TRERF1: variants seen among roughly 807,000 people sequenced by gnomAD.
TRERF1 encodes transcriptional regulating factor 1.
TRERF1 carries 27 observed loss-of-function variants against 122.9 expected under a neutral mutation model. The ratio of observed to expected loss-of-function variants is 0.22; its 90% CI spans 0.16 to 0.30. The LOEUF is 0.30. Ranked by LOEUF, TRERF1 falls within the 10% of genes least tolerant of loss-of-function variation. TRERF1 has a pLI of 1.00. For missense variants in TRERF1, 1,248 were observed against 1,560.3 expected, an observed-to-expected ratio of 0.80 and a Z score of 3.37; for synonymous variants, 636 against 641.7, an observed-to-expected ratio of 0.99 and a Z score of 0.13.
chr6:42,303,475 C>T (rs1007517345), intron 3 of TRERF1, among the ~76,000 whole-genome samples: 5 of 152,192 alleles, frequency 3.3e-5, no homozygotes, highest in Non-Finnish European at 7.3e-5. Context: ...GCTGCTGGTA[C>T]ACCGAGTAGC....
intron 4 of TRERF1, among the ~76,000 whole-genome samples, chr6:42,287,643 A>G (rs1288319856): frequency 1.3e-5 from 2 of 152,112 alleles, no homozygotes; most frequent in Non-Finnish European, 2.9e-5. Context: ...CCCTTTACCC[A>G]GGATCCTGAA....
intron 2 of TRERF1, among the ~76,000 whole-genome samples, chr6:42,420,276 A>C (rs1562177377): frequency 6.6e-6 from 1 of 152,182 alleles, no homozygotes; most frequent in Non-Finnish European, 1.5e-5. Flanking sequence ...CTTTGTAGCT[A>C]AAACAGAAAA....
At chr6:42,233,812 C>A (rs571539924) in intron 16 of TRERF1, among the ~76,000 whole-genome samples, 1 of 152,280 alleles carries the variant, frequency 6.6e-6, no homozygotes, top group East Asian at 1.9e-4. Context: ...CCTAAGGAAT[C>A]CAGTTTGAAA....
At chr6:42,390,788 A>C (rs908917794) in intron 2 of TRERF1, among the ~76,000 whole-genome samples, 18 of 152,210 alleles carry the variant, frequency 1.2e-4, no homozygotes, top group Admixed American at 1.2e-3. Flanking sequence ...CTGTGTGGGC[A>C]ATGGTCACTT....
intron 2 of TRERF1, among the ~76,000 whole-genome samples, chr6:42,441,371 G>C (rs1192760595): frequency 1.3e-5 from 2 of 152,180 alleles, no homozygotes; most frequent in Admixed American, 1.3e-4. Flanking sequence ...CTAATATTCA[G>C]TCTCTTTCCT....
At chr6:42,374,082 G>A (rs1774317685) in intron 2 of TRERF1, among the ~76,000 whole-genome samples, 2 of 151,072 alleles carry the variant, frequency 1.3e-5, no homozygotes, top group Non-Finnish European at 2.9e-5. Flanking sequence ...GCAGTGAGCC[G>A]AGATGGCACC....
At chr6:42,359,798 T>G (rs1277079039) in intron 3 of TRERF1, among the ~76,000 whole-genome samples, 1 of 152,186 alleles carries the variant, frequency 6.6e-6, no homozygotes. Flanking sequence ...TGACAGGCCA[T>G]CAACTATTTA....
At chr6:42,337,599 G>A (rs910413920) in intron 3 of TRERF1, among the ~76,000 whole-genome samples, 10 of 152,172 alleles carry the variant, frequency 6.6e-5, no homozygotes, top group Non-Finnish European at 1.3e-4. Flanking sequence ...TGAGAGCTCA[G>A]TGGAGGGGAA....
chr6:42,340,407 T>C (rs998561660), intron 3 of TRERF1, among the ~76,000 whole-genome samples: 1 of 152,114 alleles, frequency 6.6e-6, no homozygotes, highest in Non-Finnish European at 1.5e-5. Context: ...AATGTGCAAT[T>C]TGTCAAAACA....
intron 4 of TRERF1, among the ~76,000 whole-genome samples, chr6:42,287,147 TG>T (rs1424885253): frequency 1.4e-5 from 1 of 72,334 alleles, no homozygotes; most frequent in African/African-American, 5.6e-5. Flanking sequence ...TGTTGTGGGG[TG>T]GGGGGAGGGG....
chr6:42,359,597 G>A (rs995193852), intron 3 of TRERF1, among the ~76,000 whole-genome samples: 2 of 152,164 alleles, frequency 1.3e-5, no homozygotes, highest in Admixed American at 6.5e-5. Context: ...GGTGGCGTGC[G>A]CCTGCAGTCC....
At chr6:42,252,624 C>T (rs1414270076) in intron 13 of TRERF1, among the ~76,000 whole-genome samples, 1 of 152,144 alleles carries the variant, frequency 6.6e-6, no homozygotes, top group Non-Finnish European at 1.5e-5. Flanking sequence ...AGAATGGGGC[C>T]ATGGAGATGG....
At chr6:42,391,036 G>C (rs940392679) in intron 2 of TRERF1, among the ~76,000 whole-genome samples, 2 of 152,188 alleles carry the variant, frequency 1.3e-5, no homozygotes, top group African/African-American at 4.8e-5. Context: ...CAGAACAAAA[G>C]GGGGACATGG....
intron 3 of TRERF1, among the ~76,000 whole-genome samples, chr6:42,313,854 T>C (rs12527133): frequency 0.039 from 5,901 of 152,242 alleles, 180 homozygotes; most frequent in East Asian, 0.093. Flanking sequence ...GGGGAGGTGC[T>C]GCAGACTCAC....
rs1429945484 is a variant in TRERF1, at chr6:42,393,183, T to C, written c.-453-30104A>G. On this transcript the variant is annotated intron_variant, in intron 2 of 17. Transcript: ENST00000372922. This position sits in a 1 kb window ranked among gnomAD's most constrained non-coding sequence, Gnocchi z 4.1. ...TGGTCAGTGCTAACAACCAGCATCT[T>C]TGTAGTACTTCAGGTTACAAAGCAC... Among the ~76,000 whole-genome samples, 1 of 152,218 alleles carries C rather than the reference T, an allele frequency of 6.6e-6. No homozygotes were observed. The highest frequency in any genetic ancestry group is 2.4e-5 in the African/African-American group (1 of 41,454).
intron 13 of TRERF1, among the ~76,000 whole-genome samples, chr6:42,248,507 C>A (rs1267150148): frequency 1.3e-5 from 2 of 152,046 alleles, no homozygotes; most frequent in Admixed American, 6.5e-5. Context: ...TGCGTGCCAC[C>A]ACACCTGGCT....
At chr6:42,388,664 G>A (rs905658742) in intron 2 of TRERF1, among the ~76,000 whole-genome samples, 4 of 152,110 alleles carry the variant, frequency 2.6e-5, no homozygotes, top group Non-Finnish European at 5.9e-5. Flanking sequence ...TGAGGATTCC[G>A]TTAGTAAGTT....
In TRERF1 at chr6:42,259,766, C is replaced by T. The variant is rs373722070; in HGVS notation, c.1885-43G>A. ...ATCTGATTCGAATACTTCAGCTTCC[C>T]CCGCAGGCCATTTCCACAGGTTCAG... On this transcript the variant is annotated intron_variant, in intron 8 of 17. Transcript: ENST00000372922. This position sits in a 1 kb window ranked among gnomAD's most constrained non-coding sequence, Gnocchi z 4.9. 3.1e-6 allele frequency: 5 copies of T among 1,597,860 alleles called. No individual in the cohort carries two copies. Among genetic ancestry groups the T allele is most frequent in the Middle Eastern group, 3.3e-4 (2 of 5,982 alleles).
chr6:42,263,690 C>T lies in TRERF1; in HGVS notation c.1636-122G>A, dbSNP rs1778662706. ...TGGGTGATAGAGAACCGCTGCAGGG[C>T]GATTTCCTTCCTGCAATCCTGAGTC... On this transcript the variant is annotated intron_variant, in intron 7 of 17. Coordinates refer to ENST00000372922, the Ensembl canonical transcript of TRERF1. The surrounding 1 kb of genome is among the most constrained non-coding windows in gnomAD (Gnocchi z 5.6). The T allele has an allele frequency of 5.5e-6, 7 of 1,271,246 alleles. No homozygotes were observed. Among genetic ancestry groups the T allele is most frequent in the Non-Finnish European group, 7.0e-6 (7 of 992,920 alleles). The allele number at this position is 1,271,246 out of a possible 1,614,324, so 78.7% of individuals were successfully genotyped here.
Sources: gnomAD v4.1 joint callset for allele counts (sites outside exome capture counted in the v4.1 genomes callset) on GRCh38, gnomAD v4.1.1 for gene constraint, Gnocchi (gnomAD v3.1) non-coding constraint, MANE v1.5 for transcripts, NCBI Gene and HGNC (gene_info 2026-07-23, HGNC 2026-07-21) for gene names.